SORCS2: variants seen among roughly 807,000 people sequenced by gnomAD.
SORCS2 encodes the protein VPS10 domain-containing receptor SorCS2.
A neutral mutation model predicts 141.6 loss-of-function variants in SORCS2; 100 were observed. The ratio of observed to expected loss-of-function variants is 0.71; its 90% CI spans 0.60 to 0.83. The LOEUF is 0.83. Ranked by LOEUF, SORCS2 falls within the 40% of genes least tolerant of loss-of-function variation. The pLI, the probability that SORCS2 is intolerant of heterozygous loss-of-function variation, is 0.00. For synonymous variants in SORCS2, 789 were observed against 676.9 expected, an observed-to-expected ratio of 1.17 and a Z score of -2.57; for missense variants, 1,646 against 1,560.2, an observed-to-expected ratio of 1.05 and a Z score of -0.93.
At chr4:7,592,884 G>A (rs548020490) in intron 3 of SORCS2, among the ~76,000 whole-genome samples, 1 of 152,376 alleles carries the variant, frequency 6.6e-6, no homozygotes, top group East Asian at 1.9e-4. Flanking sequence ...GCTCATAGTA[G>A]TTGTAAAGCA....
chr4:7,594,515 T>C (rs768809296), intron 3 of SORCS2, among the ~76,000 whole-genome samples: 1 of 152,166 alleles, frequency 6.6e-6, no homozygotes, highest in Non-Finnish European at 1.5e-5. Context: ...CCGGGGTGGG[T>C]GTGAGATCAG....
chr4:7,410,893 TGAG>T (rs34418060), intron 2 of SORCS2, among the ~76,000 whole-genome samples: 2,712 of 151,256 alleles, frequency 0.018, 84 homozygotes, highest in African/African-American at 0.063. Flanking sequence ...CACGAGAATT[TGAG>T]GAGACTTCTC....
intron 3 of SORCS2, among the ~76,000 whole-genome samples, chr4:7,535,937 C>T (rs965650016): frequency 6.6e-6 from 1 of 152,244 alleles, no homozygotes; most frequent in African/African-American, 2.4e-5. Flanking sequence ...AATTAATTAT[C>T]AGTGATGGGA....
At chr4:7,706,079 C>CCGTCTGGGCAGGGA (rs1560498547) in intron 14 of SORCS2, among the ~76,000 whole-genome samples, 7 of 144,188 alleles carry the variant, frequency 4.9e-5, no homozygotes, top group Admixed American at 6.9e-5. Context: ...AGGCTGGGCT[C>CCGTCTGGGCAGGGA]TGCCTGGACA....
In SORCS2 at chr4:7,654,086, A is replaced by C. The variant is rs1398987130; in HGVS notation, c.814-48A>C. 2.7e-6 allele frequency: 4 copies of C among 1,503,298 alleles called. No individual in the cohort carries two copies. The African/African-American group carries it at 5.5e-5, about 21-fold the overall frequency. The allele number at this position is 1,503,298 out of a possible 1,614,324, so 93.1% of individuals were successfully genotyped here. On this transcript the variant is annotated intron_variant, in intron 4 of 26. Transcript: ENST00000507866. ...CATCACCCTCTCTCAGAAGCAGCTT[A>C]TTCCTGACGTCCTGACCAAGCTTTT...
chr4:7,732,646 G>A (rs1324733407), intron 23 of SORCS2, among the ~76,000 whole-genome samples: 1 of 152,004 alleles, frequency 6.6e-6, no homozygotes, highest in Non-Finnish European at 1.5e-5. Flanking sequence ...TTGGTCTTCC[G>A]CCTCCAGGAG....
chr4:7,433,126 C>G, intron 2 of SORCS2: 1 of 526,310 alleles, frequency 1.9e-6, no homozygotes, highest in Non-Finnish European at 3.0e-6. Context: ...CTTTCAAGGG[C>G]AAAGCTGTGC....
intron 3 of SORCS2, among the ~76,000 whole-genome samples, chr4:7,631,538 C>G (rs918228525): frequency 1.3e-5 from 2 of 152,166 alleles, no homozygotes; most frequent in Non-Finnish European, 2.9e-5. Flanking sequence ...GACAGCCTCT[C>G]CTCCACTTTG....
chr4:7,554,428 C>G (rs940718390), intron 3 of SORCS2, among the ~76,000 whole-genome samples: 3 of 152,174 alleles, frequency 2.0e-5, no homozygotes, highest in Non-Finnish European at 2.9e-5. Context: ...TCTTCCTGCT[C>G]CCATGTCCTC....
Position 7,558,771 on chromosome 4 carries a change from C to G in SORCS2, c.648+27142C>G, listed in dbSNP as rs148939858. Among the ~76,000 whole-genome samples the G allele has an allele frequency of 1.6e-4, 25 of 152,286 alleles. No homozygotes were observed. In the East Asian group the frequency reaches 4.4e-3, roughly 27 times the overall value. The stretch of plus-strand genomic sequence containing the variant: ...GCCCAGGAGGCCAACTCATACACCC[C>G]CTCAGGTTCAGCTTTCCCAAGGGGG... On this transcript the variant is annotated intron_variant, in intron 3 of 26. Coordinates refer to ENST00000507866, the MANE Select transcript of SORCS2 (RefSeq NM_020777.3).
At chr4:7,715,913 G>A (rs1188823780) in intron 17 of SORCS2, among the ~76,000 whole-genome samples, 1 of 152,148 alleles carries the variant, frequency 6.6e-6, no homozygotes, top group Admixed American at 6.5e-5. Flanking sequence ...TCACCTAATT[G>A]TCCTCCTTGC....
At chr4:7,594,124 A>G (rs1717102005) in intron 3 of SORCS2, among the ~76,000 whole-genome samples, 1 of 152,178 alleles carries the variant, frequency 6.6e-6, no homozygotes, top group Admixed American at 6.5e-5. Flanking sequence ...AGAGGAATAA[A>G]CAACACAGTG....
chr4:7,577,068 G>A (rs1715801727), intron 3 of SORCS2, among the ~76,000 whole-genome samples: 2 of 152,196 alleles, frequency 1.3e-5, no homozygotes, highest in Admixed American at 1.3e-4. Context: ...GAGAGGTTTA[G>A]GCACAGTCCT....
chr4:7,697,982 CTG>C (rs1279338336), intron 12 of SORCS2, among the ~76,000 whole-genome samples: 1 of 152,178 alleles, frequency 6.6e-6, no homozygotes. Flanking sequence ...GGCAATGGTG[CTG>C]ATGGCCCTCA....
chr4:7,596,776 AG>A (rs1024345435), intron 3 of SORCS2, among the ~76,000 whole-genome samples: 1 of 152,058 alleles, frequency 6.6e-6, no homozygotes, highest in Admixed American at 6.5e-5. Flanking sequence ...TTGAGGTGCA[AG>A]GGGCTTTCAT....
chr4:7,718,062 A>G lies in SORCS2; in HGVS notation c.2303A>G (p.Gln768Arg). Residue 768 changes from glutamine (Q) to arginine (R), a missense_variant, in exon 18 of 27, where the codon CAG becomes CGG. Transcript: ENST00000507866. ...TGTGAGGGTGGGGTGGACATGCAGC[A>G]GAGTCAGGTGCAGCTGCAGTGCCCC... Reference protein sequence around the residue: ...NVCEGGVDMQQSQVQLQCPLT... With the variant: ...NVCEGGVDMQRSQVQLQCPLT... 6.2e-7 allele frequency: 1 copy of G among 1,610,640 alleles called. No homozygotes were observed.
intron 2 of SORCS2, among the ~76,000 whole-genome samples, chr4:7,460,599 G>T (rs1729238174): frequency 6.6e-6 from 1 of 152,236 alleles, no homozygotes; most frequent in Non-Finnish European, 1.5e-5. Flanking sequence ...CGTGTCTGTG[G>T]GAACAGCTGC....
chr4:7,223,080 A>C (rs1436621970), intron 1 of SORCS2, among the ~76,000 whole-genome samples: 1 of 152,158 alleles, frequency 6.6e-6, no homozygotes, highest in African/African-American at 2.4e-5. Flanking sequence ...TGTATTAAAA[A>C]CAACAACCAA....
intron 12 of SORCS2, among the ~76,000 whole-genome samples, chr4:7,701,676 C>T (rs922168957): frequency 6.6e-6 from 1 of 152,198 alleles, no homozygotes; most frequent in Admixed American, 6.5e-5. Context: ...TGCCGGCCCC[C>T]ACCCAGGTCT....
Sources: allele counts gnomAD v4.1 joint callset (sites outside exome capture counted in the v4.1 genomes callset), GRCh38; gene constraint gnomAD v4.1.1; transcripts MANE v1.5; gene names NCBI Gene and HGNC (gene_info 2026-07-23, HGNC 2026-07-21).